ARID1B: variants seen among roughly 807,000 people sequenced by gnomAD.
The protein encoded by ARID1B is AT-rich interaction domain 1B, also known as AT-rich interactive domain-containing protein 1B.
A neutral mutation model predicts 212.3 loss-of-function variants in ARID1B; 30 were observed. The ratio of observed to expected loss-of-function variants is 0.14; its 90% CI spans 0.11 to 0.19. The LOEUF is 0.19. Among genes scored for constraint, ARID1B ranks in the 10% least tolerant of loss-of-function variants. The pLI, the probability that ARID1B is intolerant of heterozygous loss-of-function variation, is 1.00. For synonymous variants in ARID1B, 1,402 were observed against 1,301.7 expected (o/e 1.08, Z -1.66); for missense variants, 2,891 against 3,204.0 (o/e 0.90, Z 2.36).
In ARID1B at chr6:156,837,221, T is replaced by G. The variant is rs1414869308; in HGVS notation, c.1986+7800T>G. Among the ~76,000 whole-genome samples, 2 of 152,250 alleles carry G rather than the reference T, an allele frequency of 1.3e-5. 1 individual carries two copies. Among genetic ancestry groups the G allele is most frequent in the Non-Finnish European group, 2.9e-5 (2 of 68,044 alleles). On this transcript the variant is annotated intron_variant, in intron 2 of 19. Transcript: ENST00000636930. ...CTGCAAGAACCTGGTATGTGTTAGATGTGTAGAGTGCAGTCTGTCCTTTTT... is the reference window on the plus strand; with the variant it reads ...CTGCAAGAACCTGGTATGTGTTAGAGGTGTAGAGTGCAGTCTGTCCTTTTT...
chr6:156,959,237 AC>A (rs1794185996), intron 4 of ARID1B, among the ~76,000 whole-genome samples: 1 of 151,162 alleles, frequency 6.6e-6, no homozygotes, highest in East Asian at 1.9e-4. Flanking sequence ...TGGTTCTAGG[AC>A]CCCCACGAGT....
chr6:157,188,469 CCT>C (rs1356743563), intron 13 of ARID1B, among the ~76,000 whole-genome samples: 1 of 152,198 alleles, frequency 6.6e-6, no homozygotes, highest in African/African-American at 2.4e-5. Context: ...TCCTCTGTAA[CCT>C]CTCGTGGTTT....
At chr6:156,931,961 TAAAAAAAAA>T (rs56102774) in intron 3 of ARID1B, among the ~76,000 whole-genome samples, 2 of 97,414 alleles carry the variant, frequency 2.1e-5, no homozygotes, top group African/African-American at 4.3e-5. Context: ...GATTCCGTCT[TAAAAAAAAA>T]AAAAAAAAAA....
At chr6:157,048,567 A>G (rs1327378008) in intron 4 of ARID1B, among the ~76,000 whole-genome samples, 2 of 152,252 alleles carry the variant, frequency 1.3e-5, no homozygotes, top group Non-Finnish European at 2.9e-5. Flanking sequence ...GTCTTTTAAC[A>G]GTTGGCTTTT....
chr6:157,180,981 T>A lies in ARID1B; in HGVS notation c.3517T>A (p.Ser1173Thr), dbSNP rs1273496927. The A allele has an allele frequency of 6.2e-7, 1 of 1,613,348 alleles. No homozygotes were observed. Among genetic ancestry groups the A allele is most frequent in the Non-Finnish European group, 8.5e-7 (1 of 1,179,706 alleles). The change falls in exon 12 of 20, where the codon TCC (serine) becomes ACC (threonine). Residue 1173 changes from serine (S) to threonine (T), a missense_variant. Ser to Thr is a moderately conservative substitution (Grantham distance 58). Coordinates refer to ENST00000636930, the MANE Select transcript of ARID1B (RefSeq NM_001374828.1). ...KTPSSPKSSSSTTTGEKITKV... is the reference protein window; with the variant it reads ...KTPSSPKSSSTTTTGEKITKV... ...TTCTGGGTACTAGAAGTCCAGCTCC[T>A]CCACCACTACTGGGGAGAAGATCAC...
chr6:156,847,448 G>A (rs940110859), intron 2 of ARID1B, among the ~76,000 whole-genome samples: 7 of 152,178 alleles, frequency 4.6e-5, no homozygotes, highest in African/African-American at 1.7e-4. Context: ...GCGAATGGGA[G>A]ATCTGAAGTG....
intron 7 of ARID1B, among the ~76,000 whole-genome samples, chr6:157,141,661 A>G (rs911580726): frequency 6.6e-6 from 1 of 152,238 alleles, no homozygotes; most frequent in Admixed American, 6.5e-5. Flanking sequence ...GATCTTACTT[A>G]AATATGATAA....
At chr6:156,922,579 G>A (rs284424) in intron 3 of ARID1B, among the ~76,000 whole-genome samples, 34,336 of 152,070 alleles carry the variant, frequency 0.23, 4,323 homozygotes, top group African/African-American at 0.3. Flanking sequence ...TTTTATTTGT[G>A]TTTCAGTTAT....
intron 4 of ARID1B, among the ~76,000 whole-genome samples, chr6:157,054,023 G>A (rs1471383812): frequency 1.3e-5 from 2 of 152,140 alleles, no homozygotes; most frequent in South Asian, 4.2e-4. Flanking sequence ...TCGGGAGTTC[G>A]AGACCAGCCT....
chr6:157,052,968 T>C (rs905547528), intron 4 of ARID1B, among the ~76,000 whole-genome samples: 4 of 152,194 alleles, frequency 2.6e-5, no homozygotes, highest in Non-Finnish European at 4.4e-5. Flanking sequence ...TCTGGCCATC[T>C]CAGCCTCCCA....
intron 4 of ARID1B, among the ~76,000 whole-genome samples, chr6:156,976,037 AG>A: frequency 6.6e-6 from 1 of 152,198 alleles, no homozygotes; most frequent in East Asian, 1.9e-4. Flanking sequence ...TACATTCACA[AG>A]GACGGGGGAA....
At chr6:156,824,085 T>C (rs540091230) in intron 1 of ARID1B, among the ~76,000 whole-genome samples, 4 of 152,196 alleles carry the variant, frequency 2.6e-5, no homozygotes, top group African/African-American at 7.2e-5. Context: ...TTCTTAAAAA[T>C]AGACAATGTA....
intron 2 of ARID1B, among the ~76,000 whole-genome samples, chr6:156,894,666 C>T (rs534808083): frequency 6.6e-6 from 1 of 152,254 alleles, no homozygotes; most frequent in South Asian, 2.1e-4. Flanking sequence ...TTCTTTTCCT[C>T]CAAAAGGAGG....
chr6:156,969,418 G>T (rs2128341873), intron 4 of ARID1B, among the ~76,000 whole-genome samples: 1 of 152,282 alleles, frequency 6.6e-6, no homozygotes, highest in African/African-American at 2.4e-5. Context: ...ATGAGTGCTG[G>T]TATCTGTCTT....
intron 2 of ARID1B, among the ~76,000 whole-genome samples, chr6:156,897,122 G>A (rs1388169992): frequency 6.6e-6 from 1 of 151,830 alleles, no homozygotes; most frequent in African/African-American, 2.4e-5. Context: ...TTGTTGTTGT[G>A]TGTGTTCATG....
At chr6:156,889,561 A>C (rs560102195) in intron 2 of ARID1B, among the ~76,000 whole-genome samples, 2 of 152,336 alleles carry the variant, frequency 1.3e-5, no homozygotes, top group African/African-American at 4.8e-5. Flanking sequence ...CTGGAAAGAA[A>C]GGTGAAAACA....
At chr6:157,058,171 C>G (rs139192611) in intron 4 of ARID1B, among the ~76,000 whole-genome samples, 4,351 of 152,240 alleles carry the variant, frequency 0.029, 221 homozygotes, top group African/African-American at 0.1. Context: ...AGTAGGGCCA[C>G]GAAGTTCAGA....
chr6:156,843,219 G>A (rs978855943), intron 2 of ARID1B, among the ~76,000 whole-genome samples: 1 of 152,008 alleles, frequency 6.6e-6, no homozygotes, highest in African/African-American at 2.4e-5. Flanking sequence ...TGTCTTCATG[G>A]TATTCATTTT....
At chr6:156,972,556 A>G (rs1391200000) in intron 4 of ARID1B, among the ~76,000 whole-genome samples, 1 of 152,238 alleles carries the variant, frequency 6.6e-6, no homozygotes, top group Non-Finnish European at 1.5e-5. Flanking sequence ...TAAGCATGTG[A>G]ACATAAATTT....
Sources: gnomAD v4.1 joint callset for allele counts (sites outside exome capture counted in the v4.1 genomes callset) on GRCh38, gnomAD v4.1.1 for gene constraint, MANE v1.5 for transcripts, NCBI Gene and HGNC (gene_info 2026-07-23, HGNC 2026-07-21) for gene names.